Variants in PTK2 observed in about 807,000 individuals in gnomAD.
The protein encoded by PTK2 is protein tyrosine kinase 2.
In PTK2, 45 loss-of-function variants were observed where a neutral mutation model predicts 150.1. The observed-to-expected ratio is 0.30, with a 90% CI of 0.24 to 0.38. PTK2 has a LOEUF of 0.38. PTK2 is among the 10% of genes least tolerant of loss of function. The pLI is 1.00. For missense variants in PTK2, 919 were observed against 1,307.3 expected, an observed-to-expected ratio of 0.70 and a Z score of 4.58; for synonymous variants, 432 against 449.2, an observed-to-expected ratio of 0.96 and a Z score of 0.48.
chr8:140,797,531 C>T (rs1031126623), intron 12 of PTK2, among the ~76,000 whole-genome samples: 28 of 152,276 alleles, frequency 1.8e-4, no homozygotes, highest in Non-Finnish European at 3.4e-4. Flanking sequence ...TCACTCCCTC[C>T]CTTGAAATGC....
At chr8:140,933,096 C>A (rs2100172465) in intron 1 of PTK2, among the ~76,000 whole-genome samples, 1 of 151,858 alleles carries the variant, frequency 6.6e-6, no homozygotes, top group African/African-American at 2.4e-5. Context: ...GATGATCTAA[C>A]CACCTCAGCC....
At chr8:140,763,918 C>T (rs2100070808) in intron 15 of PTK2, among the ~76,000 whole-genome samples, 1 of 151,906 alleles carries the variant, frequency 6.6e-6, no homozygotes. Context: ...CACATATATA[C>T]TTAACCAATA....
At chr8:140,869,437 A>G (rs1431260027) in intron 4 of PTK2, among the ~76,000 whole-genome samples, 1 of 152,210 alleles carries the variant, frequency 6.6e-6, no homozygotes, top group East Asian at 1.9e-4. Context: ...AACCTTGTAT[A>G]GAATCAGTAG....
intron 7 of PTK2, among the ~76,000 whole-genome samples, chr8:140,840,275 G>T (rs1242066451): frequency 6.6e-6 from 1 of 152,168 alleles, no homozygotes; most frequent in Non-Finnish European, 1.5e-5. Context: ...ATCCGTGCTG[G>T]TCAAGCCATC....
intron 21 of PTK2, 49 bp from the exon 25 acceptor site, chr8:140,735,504 T>G: frequency 6.3e-7 from 1 of 1,575,386 alleles, no homozygotes; most frequent in Non-Finnish European, 8.7e-7. Context: ...ATGAAGAATG[T>G]AACTCCCAGG....
chr8:140,732,685 G>T, intron 22 of PTK2: 1 of 427,218 alleles, frequency 2.3e-6, no homozygotes. Context: ...CCAGTGACTA[G>T]CACCAGGCTC....
chr8:140,844,359 C>T (rs971290534), intron 7 of PTK2, among the ~76,000 whole-genome samples: 6 of 152,178 alleles, frequency 3.9e-5, no homozygotes, highest in African/African-American at 1.4e-4. Flanking sequence ...TTTTATGCTC[C>T]ACCTCCTTTG....
chr8:140,940,723 TC>T (rs1325964385), intron 1 of PTK2: 1 of 152,208 alleles, frequency 6.6e-6, no homozygotes, highest in African/African-American at 2.4e-5. Context: ...ACGCCTGTAA[TC>T]CCAGCACTTT....
intron 1 of PTK2, among the ~76,000 whole-genome samples, chr8:140,936,834 A>T (rs1426828931): frequency 1.3e-5 from 2 of 151,918 alleles, no homozygotes; most frequent in Non-Finnish European, 2.9e-5. Flanking sequence ...TCATCAGTCC[A>T]ATAGGACAAA....
rs76369422 is a variant in PTK2 at position 140,894,081 on chromosome 8, A to G, written c.-32-3312T>C. The stretch of plus-strand genomic sequence containing the variant: ...ATAAGTTGATACCATACTCCCCCCA[A>G]TGTGATGCTATTACAAGGTAGGGTC... On this transcript the variant is annotated intron_variant, in intron 2 of 31. Transcript: ENST00000522684. Among the ~76,000 whole-genome samples the G allele has an allele frequency of 1.6e-4, 25 of 152,304 alleles. No homozygotes were observed. The East Asian group carries it at 3.3e-3, about 20-fold the overall frequency.
intron 1 of PTK2, among the ~76,000 whole-genome samples, chr8:140,958,037 AACT>A: frequency 6.6e-6 from 1 of 152,216 alleles, no homozygotes; most frequent in East Asian, 1.9e-4. Context: ...CTAATGAGTT[AACT>A]ACCTTTTTCT....
rs114633518 is a variant in PTK2 at position 140,770,257 on chromosome 8, T to G, written c.1178-5967A>C. ...TTGCTTTCCTAGAAAATGCTCCAAA[T>G]GGCATAGCTGCCTCTACTATGCAGC... On this transcript the variant is annotated intron_variant, in intron 14 of 31. Coordinates refer to ENST00000522684, the Ensembl canonical transcript of PTK2. Among the ~76,000 whole-genome samples the G allele has an allele frequency of 2.0e-3, 303 of 152,338 alleles. 1 individual carries two copies. Among genetic ancestry groups the G allele is most frequent in the African/African-American group, 6.2e-3 (259 of 41,578 alleles).
At chr8:140,917,181 A>T (rs1334474036) in intron 2 of PTK2, among the ~76,000 whole-genome samples, 1 of 152,172 alleles carries the variant, frequency 6.6e-6, no homozygotes, top group Non-Finnish European at 1.5e-5. Context: ...ACTTGAGGTC[A>T]GGAGTTCGAG....
intron 7 of PTK2, among the ~76,000 whole-genome samples, chr8:140,833,643 C>T (rs984368044): frequency 2.0e-5 from 3 of 152,084 alleles, no homozygotes; most frequent in African/African-American, 7.2e-5. Flanking sequence ...CTTCTTTGAG[C>T]CCAAACTCTA....
intron 5 of PTK2, 127 bp from the exon 6 acceptor site, chr8:140,846,805 T>C (rs2100125797): frequency 1.6e-6 from 1 of 616,886 alleles, no homozygotes; most frequent in Admixed American, 3.4e-5. Flanking sequence ...CGCTTGATGT[T>C]AAAGATATAA....
chr8:140,967,291 G>T lies in PTK2; in HGVS notation c.-122+33834C>A, dbSNP rs139061923. On this transcript the variant is annotated intron_variant, in intron 1 of 31. Coordinates refer to ENST00000522684, the Ensembl canonical transcript of PTK2. ...GATCTGGGCTTTCCAAAGCAAGCAT[G>T]ACAGAAAGTTCTTACCACAGCTGAG... 5.9e-5 allele frequency among the ~76,000 whole-genome samples: 9 copies of T among 152,216 alleles called. No homozygotes were observed. In the East Asian group the frequency reaches 1.4e-3, roughly 23 times the overall value.
At chr8:140,826,691 G>A (rs951472298) in intron 8 of PTK2, among the ~76,000 whole-genome samples, 2 of 152,142 alleles carry the variant, frequency 1.3e-5, no homozygotes, top group African/African-American at 4.8e-5. Flanking sequence ...GGAGGCGGGT[G>A]GATGGCTTAA....
intron 3 of PTK2, among the ~76,000 whole-genome samples, chr8:140,887,571 C>G (rs1238397097): frequency 6.6e-6 from 1 of 152,096 alleles, no homozygotes; most frequent in Non-Finnish European, 1.5e-5. Context: ...TTAAACTCCT[C>G]AAAAAGTTTT....
chr8:140,928,781 G>A (rs1161503949), intron 1 of PTK2, among the ~76,000 whole-genome samples: 2 of 152,166 alleles, frequency 1.3e-5, no homozygotes, highest in East Asian at 3.9e-4. Context: ...CAGAGGATGA[G>A]GCTGGAAGGA....
Sources: gnomAD v4.1 joint callset for allele counts (sites outside exome capture counted in the v4.1 genomes callset) on GRCh38, gnomAD v4.1.1 for gene constraint, MANE v1.5 for transcripts, NCBI Gene and HGNC (gene_info 2026-07-23, HGNC 2026-07-21) for gene names.